ENPP2: variants seen among roughly 807,000 people sequenced by gnomAD.
ENPP2 encodes ectonucleotide pyrophosphatase/phosphodiesterase 2, also known as autotaxin.
Under a neutral mutation model 120.2 loss-of-function variants are expected in ENPP2, and 51 were observed. The ratio of observed to expected loss-of-function variants is 0.42; its 90% CI spans 0.34 to 0.54. The LOEUF (loss-of-function observed/expected upper bound fraction) is 0.54, where lower values mean the gene tolerates loss of function less well. Among genes scored for constraint, ENPP2 ranks in the 20% least tolerant of loss-of-function variants. The pLI is 0.04. For missense variants in ENPP2, 920 were observed against 1,066.5 expected, an observed-to-expected ratio of 0.86 and a Z score of 1.91; for synonymous variants, 365 against 366.4, an observed-to-expected ratio of 1.00 and a Z score of 0.04.
intron 8 of ENPP2, among the ~76,000 whole-genome samples, chr8:119,609,579 T>C (rs865851630): frequency 1.3e-5 from 2 of 152,302 alleles, no homozygotes; most frequent in South Asian, 2.1e-4. Context: ...TCAGAATGTG[T>C]CCTGGACTTT....
intron 2 of ENPP2, among the ~76,000 whole-genome samples, chr8:119,627,209 A>G (rs998854339): frequency 3.3e-5 from 5 of 152,190 alleles, no homozygotes; most frequent in African/African-American, 9.7e-5. Flanking sequence ...TTCCAAGAAC[A>G]GAACGAATAT....
At chr8:119,589,870 A>G (rs778473949) in intron 13 of ENPP2, among the ~76,000 whole-genome samples, 12 of 152,194 alleles carry the variant, frequency 7.9e-5, no homozygotes, top group Admixed American at 7.9e-4. Context: ...TTAGTCCACA[A>G]ATTAAGTTTG....
intron 1 of ENPP2, among the ~76,000 whole-genome samples, chr8:119,672,275 T>G (rs568346079): frequency 6.6e-6 from 1 of 152,294 alleles, no homozygotes; most frequent in South Asian, 2.1e-4. Flanking sequence ...TGAGCAGAAG[T>G]GCAGAAAACC....
chr8:119,669,584 C>T (rs1818180334), intron 1 of ENPP2, among the ~76,000 whole-genome samples: 1 of 152,192 alleles, frequency 6.6e-6, no homozygotes, highest in Non-Finnish European at 1.5e-5. Context: ...TATTCGCCAC[C>T]TACTTCACTC....
intron 8 of ENPP2, among the ~76,000 whole-genome samples, chr8:119,615,409 C>T (rs1485118452): frequency 6.6e-6 from 1 of 152,194 alleles, no homozygotes; most frequent in East Asian, 1.9e-4. Flanking sequence ...CAGCTCTGCA[C>T]ATTCAACAAC....
Position 119,590,612 on chromosome 8 carries a change from CAT to C in ENPP2, c.1098_1099del (p.Cys367Ter), listed in dbSNP as rs1813427193. On this transcript the variant is annotated frameshift_variant, in exon 13 of 25. Transcript: ENST00000075322. LOFTEE classifies it high-confidence loss of function. ...ATTACTCAAGAACTCAGTTCTATCA[CAT>C]GTGACATCTTCCATTCCTATGGGGA... 1 of 1,559,842 alleles carries C rather than the reference CAT, an allele frequency of 6.4e-7. No homozygotes were observed. Among genetic ancestry groups the C allele is most frequent in the Non-Finnish European group, 8.7e-7 (1 of 1,153,016 alleles).
chr8:119,605,583 C>T (rs927377721), intron 9 of ENPP2, among the ~76,000 whole-genome samples: 1 of 151,660 alleles, frequency 6.6e-6, no homozygotes, highest in African/African-American at 2.4e-5. Context: ...GCCTCAGCCT[C>T]CCAGGTAGCT....
intron 1 of ENPP2, among the ~76,000 whole-genome samples, chr8:119,645,840 C>T (rs1273393337): frequency 1.3e-5 from 2 of 151,312 alleles, no homozygotes; most frequent in East Asian, 3.9e-4. Flanking sequence ...AAGGTCTTTT[C>T]ATAACTGCTC....
At chr8:119,631,684 C>T (rs1188193263) in intron 2 of ENPP2, among the ~76,000 whole-genome samples, 1 of 152,154 alleles carries the variant, frequency 6.6e-6, no homozygotes, top group African/African-American at 2.4e-5. Context: ...TTCACTCTGC[C>T]TTTCCAGGGT....
chr8:119,590,754 T>C, intron 12 of ENPP2, 124 bp from the exon 13 acceptor site: 2 of 594,628 alleles, frequency 3.4e-6, no homozygotes, highest in Non-Finnish European at 5.4e-6. Context: ...GGAAGAGCCC[T>C]GACTTTTGAG....
chr8:119,632,476 G>T (rs759218949), intron 2 of ENPP2, among the ~76,000 whole-genome samples: 1 of 152,154 alleles, frequency 6.6e-6, no homozygotes, highest in Non-Finnish European at 1.5e-5. Flanking sequence ...ATGCAAGTCA[G>T]TTCCAGAATC....
chr8:119,557,830 C>A, intron 24 of ENPP2, 139 bp from the exon 25 acceptor site: 1 of 600,208 alleles, frequency 1.7e-6, no homozygotes, highest in South Asian at 2.7e-5. Flanking sequence ...TTCCTGGCCT[C>A]CCTGCCACTC....
At chr8:119,566,636 C>G (rs1031032850) in intron 22 of ENPP2, among the ~76,000 whole-genome samples, 2 of 152,086 alleles carry the variant, frequency 1.3e-5, no homozygotes, top group Admixed American at 1.3e-4. Context: ...AAAAACCACC[C>G]CCCTCGTGGA....
Position 119,557,948 on chromosome 8 carries a change from A to G in ENPP2, c.2422-257T>C, listed in dbSNP as rs944713914. 1.3e-4 allele frequency among the ~76,000 whole-genome samples: 20 copies of G among 152,236 alleles called. 1 individual carries two copies. The highest frequency in any genetic ancestry group is 1.2e-3 in the Admixed American group (19 of 15,278). ...AACGAGACATGTGGTGTCAGAGGGC[A>G]TTTGACTCAATAGGTTCTCAGAACA... On this transcript the variant is annotated intron_variant, in intron 24 of 24. Transcript: ENST00000075322.
chr8:119,594,214 G>C (rs1813733343), intron 11 of ENPP2, among the ~76,000 whole-genome samples: 1 of 152,162 alleles, frequency 6.6e-6, no homozygotes, highest in African/African-American at 2.4e-5. Flanking sequence ...AAGTCCCTAA[G>C]TGAAATCACA....
chr8:119,577,094 TG>T (rs1812395594), intron 19 of ENPP2, among the ~76,000 whole-genome samples: 1 of 152,236 alleles, frequency 6.6e-6, no homozygotes, highest in African/African-American at 2.4e-5. Context: ...TTACAGCATA[TG>T]CCATTAAAAC....
intron 1 of ENPP2, among the ~76,000 whole-genome samples, chr8:119,671,365 G>A (rs1818242324): frequency 6.6e-6 from 1 of 152,134 alleles, no homozygotes; most frequent in Non-Finnish European, 1.5e-5. Context: ...GGCTGGGCAG[G>A]ACTGGCCCCA....
intron 7 of ENPP2, among the ~76,000 whole-genome samples, chr8:119,616,649 G>A (rs865914679): frequency 1.3e-5 from 2 of 151,990 alleles, no homozygotes; most frequent in African/African-American, 4.8e-5. Flanking sequence ...TTAAGAAGAT[G>A]ACAATAATTT....
intron 1 of ENPP2, among the ~76,000 whole-genome samples, chr8:119,657,587 T>C (rs1387434706): frequency 1.3e-5 from 2 of 149,372 alleles, no homozygotes; most frequent in African/African-American, 5.2e-5. Context: ...TCAACATGAC[T>C]TAGTGCTAAA....
Sources: allele counts gnomAD v4.1 joint callset (sites outside exome capture counted in the v4.1 genomes callset), GRCh38; gene constraint gnomAD v4.1.1; transcripts MANE v1.5; gene names NCBI Gene and HGNC (gene_info 2026-07-23, HGNC 2026-07-21).